Variants in TTC6 observed in about 807,000 individuals in gnomAD.
The protein encoded by TTC6 is tetratricopeptide repeat protein 6.
In TTC6, 172 loss-of-function variants were observed where a neutral mutation model predicts 210.4. The observed-to-expected ratio is 0.82, with a 90% CI of 0.72 to 0.93. The LOEUF (loss-of-function observed/expected upper bound fraction) is 0.93. Ranked by LOEUF, TTC6 falls within the 40% of genes least tolerant of loss-of-function variation. TTC6 has a pLI of 0.00. For synonymous variants in TTC6, 804 were observed against 819.6 expected, an observed-to-expected ratio of 0.98 and a Z score of 0.32; for missense variants, 2,414 against 2,318.1, an observed-to-expected ratio of 1.04 and a Z score of -0.85.
intron 3 of TTC6, among the ~76,000 whole-genome samples, chr14:37,686,229 C>T (rs2138582554): frequency 6.6e-6 from 1 of 152,118 alleles, no homozygotes. Context: ...ATGACAGTGC[C>T]CACCTCATAT....
chr14:37,724,924 G>A (rs1176975293), exon 7 of TTC6: 2 of 1,526,506 alleles, frequency 1.3e-6, no homozygotes, highest in Non-Finnish European at 1.8e-6. Context: ...AATTCACGAA[G>A]TTGTTTTGGA....
intron 3 of TTC6, among the ~76,000 whole-genome samples, chr14:37,693,849 A>G (rs532062919): frequency 7.2e-5 from 11 of 152,252 alleles, no homozygotes; most frequent in South Asian, 4.1e-4. Flanking sequence ...CTCTTCAATA[A>G]GTGATGCTGG....
At chr14:37,775,702 A>T (rs982135469) in intron 14 of TTC6, among the ~76,000 whole-genome samples, 1 of 152,242 alleles carries the variant, frequency 6.6e-6, no homozygotes, top group South Asian at 2.1e-4. Context: ...TGACTTGTTA[A>T]TACTGTCAGT....
rs2096120474 is a variant in TTC6, at chr14:37,807,348, G to GT, written c.4346dup (p.Leu1449PhefsTer13). 6.5e-7 allele frequency: 1 copy of GT among 1,529,588 alleles called. No individual in the cohort carries two copies. The highest frequency in any genetic ancestry group is 1.4e-5 in the African/African-American group (1 of 73,042). 94.8% of individuals were successfully genotyped at this position (1,529,588 alleles called of 1,614,324 possible). A position where few individuals can be genotyped will look rare whatever the true frequency, so the allele number is the denominator to read the frequency against. ...TATTTAAGCCGAGTAGCATTCTATG[G>GT]TTTAAAAGGCAGGTATTCCAAAGCA... On this transcript the variant is annotated frameshift_variant, in exon 23 of 31. Coordinates refer to ENST00000553443, the Ensembl canonical transcript of TTC6. LOFTEE classifies it high-confidence loss of function.
intron 5 of TTC6, among the ~76,000 whole-genome samples, chr14:37,706,894 C>G (rs1387546798): frequency 1.3e-5 from 2 of 151,936 alleles, no homozygotes; most frequent in Non-Finnish European, 2.9e-5. Flanking sequence ...TTGAGCTTAT[C>G]AGAATTTTTT....
chr14:37,684,502 A>G (rs1197564639), intron 3 of TTC6, among the ~76,000 whole-genome samples: 1 of 152,182 alleles, frequency 6.6e-6, no homozygotes, highest in African/African-American at 2.4e-5. Context: ...GAAGGTTTTG[A>G]TCAGAGTGAC....
intron 1 of TTC6, among the ~76,000 whole-genome samples, chr14:37,651,810 A>G (rs2095713620): frequency 6.6e-6 from 1 of 152,112 alleles, no homozygotes; most frequent in Non-Finnish European, 1.5e-5. Flanking sequence ...ATATAAAAAA[A>G]AGTATAGCGG....
chr14:37,696,573 CTA>C, intron 3 of TTC6, 142 bp from the exon 6 acceptor site: 1 of 394,814 alleles, frequency 2.5e-6, no homozygotes, highest in Non-Finnish European at 4.4e-6. Context: ...TTAGAGGAAA[CTA>C]TCAATTTACT....
At chr14:37,658,377 GAACAA>G (rs1262418293) in intron 1 of TTC6, among the ~76,000 whole-genome samples, 2 of 152,116 alleles carry the variant, frequency 1.3e-5, no homozygotes, top group Non-Finnish European at 2.9e-5. Flanking sequence ...TTTCTCTTTG[GAACAA>G]AGGAGAGACC....
chr14:37,672,097 G>T (rs1320846550), intron 1 of TTC6, among the ~76,000 whole-genome samples: 1 of 152,056 alleles, frequency 6.6e-6, no homozygotes, highest in Non-Finnish European at 1.5e-5. Flanking sequence ...TAGTTTTATG[G>T]AATACTGTTG....
intron 1 of TTC6, among the ~76,000 whole-genome samples, chr14:37,645,536 A>C (rs972563085): frequency 8.5e-5 from 13 of 152,216 alleles, no homozygotes; most frequent in Admixed American, 4.6e-4. Flanking sequence ...GAGTGATAGA[A>C]TAATGGGGAA....
At chr14:37,798,192 C>T (rs2096097070) in intron 20 of TTC6, among the ~76,000 whole-genome samples, 3 of 152,102 alleles carry the variant, frequency 2.0e-5, no homozygotes, top group Admixed American at 1.3e-4. Context: ...ATTAAAAACT[C>T]TCTTGAGATT....
intron 13 of TTC6, 116 bp from the exon 16 acceptor site, chr14:37,752,983 G>C: frequency 1.3e-6 from 1 of 746,868 alleles, no homozygotes; most frequent in Admixed American, 3.8e-5. Flanking sequence ...GACATCTTCA[G>C]ATGGTTTGCT....
At chr14:37,665,152 A>G (rs2095745322) in intron 1 of TTC6, among the ~76,000 whole-genome samples, 1 of 150,588 alleles carries the variant, frequency 6.6e-6, no homozygotes, top group South Asian at 2.1e-4. Context: ...TACGGGGTAT[A>G]TACCCAAAAG....
At chr14:37,761,358 C>G (rs1375969610) in intron 14 of TTC6, among the ~76,000 whole-genome samples, 3 of 151,904 alleles carry the variant, frequency 2.0e-5, no homozygotes, top group Non-Finnish European at 4.4e-5. Flanking sequence ...ATAAGATGAA[C>G]TGGTACCTCA....
rs535526780 is a variant in TTC6, at chr14:37,606,658, C to T, written c.-234-5C>T. The T allele has an allele frequency of 5.3e-6, 5 of 943,054 alleles. No individual in the cohort carries two copies. The South Asian group carries it at 2.5e-4, about 46-fold the overall frequency. The allele number at this position is 943,054 out of a possible 1,614,324, so 58.4% of individuals were successfully genotyped here. On this transcript the variant is annotated splice_polypyrimidine_tract_variant and splice_region_variant and intron_variant, in intron 1 of 2. Transcript: ENST00000556845. ...TTAATCCCACCTTCAAATTTTTTTC[C>T]CTAGGAAAACCCTTTCCTGTATGCC...
chr14:37,652,052 C>A (rs892792385), intron 1 of TTC6, among the ~76,000 whole-genome samples: 10 of 152,206 alleles, frequency 6.6e-5, no homozygotes, highest in African/African-American at 2.4e-4. Flanking sequence ...GAGTGAGAAG[C>A]CGAAGCCTTA....
intron 11 of TTC6, 35 bp downstream of exon 13, chr14:37,749,436 C>G: frequency 7.3e-7 from 1 of 1,377,454 alleles, no homozygotes; most frequent in Non-Finnish European, 9.3e-7. Context: ...TAATATTCAC[C>G]ATTTACACTT....
At chr14:37,597,402 A>G (rs1269545541) in intron 1 of TTC6, among the ~76,000 whole-genome samples, 1 of 152,092 alleles carries the variant, frequency 6.6e-6, no homozygotes, top group Non-Finnish European at 1.5e-5. Flanking sequence ...GTAACAATTT[A>G]TGGATAGTAA....
Sources: allele counts gnomAD v4.1 joint callset (sites outside exome capture counted in the v4.1 genomes callset), GRCh38; gene constraint gnomAD v4.1.1; transcripts MANE v1.5; gene names NCBI Gene and HGNC (gene_info 2026-07-23, HGNC 2026-07-21).